GRID2: variants seen among roughly 807,000 people sequenced by gnomAD.
GRID2 encodes glutamate ionotropic receptor delta type subunit 2, also known as glutamate receptor ionotropic, delta-2.
In GRID2, 33 loss-of-function variants were observed where a neutral mutation model predicts 114.8. The ratio of observed to expected loss-of-function variants is 0.29; its 90% confidence interval spans 0.22 to 0.38. GRID2 has a LOEUF of 0.38. GRID2 is among the 10% of genes least tolerant of loss of function. The probability of loss-of-function intolerance (pLI) is 1.00; values close to 1 mark genes in which losing one functional copy is unlikely to be tolerated. For synonymous variants in GRID2, 505 were observed against 449.9 expected (o/e 1.12, Z -1.55); for missense variants, 1,184 against 1,257.7 (o/e 0.94, Z 0.89).
At chr4:93,034,363 AT>A (rs1724719843) in intron 2 of GRID2, among the ~76,000 whole-genome samples, 1 of 152,098 alleles carries the variant, frequency 6.6e-6, no homozygotes, top group Non-Finnish European at 1.5e-5. Flanking sequence ...TCAGCACCTT[AT>A]TTTTTCTAAA....
At chr4:93,759,389 G>T (rs13101891) in intron 14 of GRID2, among the ~76,000 whole-genome samples, 123,541 of 152,108 alleles carry the variant, frequency 0.81, 50,194 homozygotes, top group East Asian at 0.95. Flanking sequence ...ATTATGATGG[G>T]TCTTAGAGCC....
At chr4:92,519,004 T>C (rs1724643372) in intron 1 of GRID2, among the ~76,000 whole-genome samples, 1 of 151,832 alleles carries the variant, frequency 6.6e-6, no homozygotes, top group African/African-American at 2.4e-5. Flanking sequence ...TTTTGACCAA[T>C]GTAAGAAAAA....
chr4:92,384,647 A>ATATTATATATAATATATAATATATATT (rs1560599311), intron 1 of GRID2, among the ~76,000 whole-genome samples: 1 of 37,092 alleles, frequency 2.7e-5, no homozygotes, highest in Non-Finnish European at 6.4e-5. Context: ...TATTATATAT[A>ATATTATATATAATATATAATATATATT]ATATATAGAC....
chr4:93,332,834 T>C (rs1758639172), intron 8 of GRID2, among the ~76,000 whole-genome samples: 1 of 152,112 alleles, frequency 6.6e-6, no homozygotes, highest in African/African-American at 2.4e-5. Context: ...CGCCTTTCTT[T>C]ATGCAGCCTT....
At chr4:92,681,268 G>A (rs1393659161) in intron 2 of GRID2, among the ~76,000 whole-genome samples, 1 of 152,154 alleles carries the variant, frequency 6.6e-6, no homozygotes, top group Non-Finnish European at 1.5e-5. Context: ...TGAAGACAAA[G>A]GGAAAGCATA....
rs1388984083 is a variant in GRID2, at chr4:92,961,702, T to G, written c.245-123293T>G. 3.3e-5 allele frequency among the ~76,000 whole-genome samples: 5 copies of G among 151,668 alleles called. No homozygotes were observed. The East Asian group carries it at 9.7e-4, about 29-fold the overall frequency. On this transcript the variant is annotated intron_variant, in intron 2 of 15. Transcript: ENST00000282020. ...TCTCTGAGGTTCCTGAATCTTTGGT[T>G]TGGTGTCAGACATAACTTGAAGAAA...
At chr4:93,682,448 T>C (rs1725653580) in intron 14 of GRID2, among the ~76,000 whole-genome samples, 1 of 151,890 alleles carries the variant, frequency 6.6e-6, no homozygotes, top group African/African-American at 2.4e-5. Context: ...CCCAAAGGAC[T>C]ATAAATCATG....
intron 11 of GRID2, among the ~76,000 whole-genome samples, chr4:93,478,525 T>C (rs972929856): frequency 4.0e-5 from 6 of 151,694 alleles, no homozygotes; most frequent in African/African-American, 1.4e-4. Flanking sequence ...AGATGGCATT[T>C]GTATGTATAA....
intron 1 of GRID2, among the ~76,000 whole-genome samples, chr4:92,565,397 G>T (rs1469639885): frequency 1.3e-5 from 2 of 151,848 alleles, no homozygotes; most frequent in African/African-American, 4.8e-5. Flanking sequence ...AGAGCTAGAA[G>T]CTTTATATAT....
intron 2 of GRID2, among the ~76,000 whole-genome samples, chr4:92,722,417 T>C (rs1579916116): frequency 6.6e-6 from 1 of 152,012 alleles, no homozygotes; most frequent in African/African-American, 2.4e-5. Flanking sequence ...TAAAATGCCC[T>C]AGAATTTATC....
chr4:93,021,755 A>ATATGTATAT (rs1723368214), intron 2 of GRID2, among the ~76,000 whole-genome samples: 2 of 145,964 alleles, frequency 1.4e-5, no homozygotes, highest in African/African-American at 4.9e-5. Flanking sequence ...ATTATTTATA[A>ATATGTATAT]TATGAATATT....
intron 2 of GRID2, among the ~76,000 whole-genome samples, chr4:92,921,775 G>A (rs772860286): frequency 6.6e-6 from 1 of 152,340 alleles, no homozygotes; most frequent in Non-Finnish European, 1.5e-5. Flanking sequence ...ATGCCACCCA[G>A]TTAGGCTACT....
At chr4:92,639,620 C>A (rs565952812) in intron 2 of GRID2, among the ~76,000 whole-genome samples, 3 of 151,400 alleles carry the variant, frequency 2.0e-5, no homozygotes, top group Non-Finnish European at 4.4e-5. Context: ...TAACAACTAT[C>A]ACATTAAGAT....
intron 2 of GRID2, among the ~76,000 whole-genome samples, chr4:92,957,267 A>G (rs1256188392): frequency 6.6e-6 from 1 of 152,016 alleles, no homozygotes; most frequent in Non-Finnish European, 1.5e-5. Context: ...GTTATGTTGT[A>G]GGAGTTTAAT....
intron 2 of GRID2, among the ~76,000 whole-genome samples, chr4:92,815,637 G>A (rs1184871943): frequency 6.6e-6 from 1 of 151,960 alleles, no homozygotes; most frequent in East Asian, 1.9e-4. Flanking sequence ...TTGGGGCTGG[G>A]TGTAGTGGCT....
intron 2 of GRID2, among the ~76,000 whole-genome samples, chr4:93,014,568 A>G (rs912226998): frequency 6.6e-6 from 1 of 152,124 alleles, no homozygotes; most frequent in Non-Finnish European, 1.5e-5. Context: ...TTTTTGTTTC[A>G]GAAAGGTCAC....
intron 5 of GRID2, among the ~76,000 whole-genome samples, chr4:93,208,142 A>G (rs1488809958): frequency 1.3e-5 from 2 of 151,972 alleles, no homozygotes; most frequent in African/African-American, 2.4e-5. Flanking sequence ...GTACTTGGTC[A>G]TACCTATTAT....
chr4:92,313,847 C>T (rs1320484493), intron 1 of GRID2, among the ~76,000 whole-genome samples: 2 of 151,812 alleles, frequency 1.3e-5, no homozygotes, highest in Admixed American at 6.6e-5. Context: ...GTAGAGAACC[C>T]GAAGATTTAA....
chr4:92,951,180 T>A (rs1375770593), intron 2 of GRID2, among the ~76,000 whole-genome samples: 1 of 152,036 alleles, frequency 6.6e-6, no homozygotes, highest in East Asian at 1.9e-4. Flanking sequence ...TGTTTATTAT[T>A]TCCATGGTTG....
Sources: gnomAD v4.1 joint callset for allele counts (sites outside exome capture counted in the v4.1 genomes callset) on GRCh38, gnomAD v4.1.1 for gene constraint, MANE v1.5 for transcripts, NCBI Gene and HGNC (gene_info 2026-07-23, HGNC 2026-07-21) for gene names.